CTNNA2: variants seen among roughly 807,000 people sequenced by gnomAD.
CTNNA2 encodes catenin alpha 2.
A neutral mutation model predicts 101.0 loss-of-function variants in CTNNA2; 42 were observed. The observed-to-expected ratio is 0.42, with a 90% CI of 0.32 to 0.54. The LOEUF is 0.54. Ranked by LOEUF, CTNNA2 falls within the 20% of genes least tolerant of loss-of-function variation. The pLI is 0.14. For missense variants in CTNNA2, 871 were observed against 1,223.1 expected, an observed-to-expected ratio of 0.71 and a Z score of 4.29; for synonymous variants, 450 against 456.4, an observed-to-expected ratio of 0.99 and a Z score of 0.18.
At chr2:80,008,784 A>G (rs1330879555) in intron 7 of CTNNA2, among the ~76,000 whole-genome samples, 1 of 152,208 alleles carries the variant, frequency 6.6e-6, no homozygotes, top group Non-Finnish European at 1.5e-5. Context: ...TGGGTACCAG[A>G]TGAGATAACT....
At chr2:80,038,359 G>C (rs956938467) in intron 7 of CTNNA2, among the ~76,000 whole-genome samples, 4 of 152,120 alleles carry the variant, frequency 2.6e-5, no homozygotes, top group Non-Finnish European at 4.4e-5. Flanking sequence ...GCTTCCTGGG[G>C]CTCTGAGGAT....
chr2:80,605,326 T>C (rs1304515551), intron 16 of CTNNA2: 1 of 151,982 alleles, frequency 6.6e-6, no homozygotes, highest in African/African-American at 2.4e-5. Flanking sequence ...AATAGTGATT[T>C]ACAGTTTGAA....
At chr2:80,070,967 G>T (rs1419406136) in intron 7 of CTNNA2, among the ~76,000 whole-genome samples, 6 of 152,082 alleles carry the variant, frequency 3.9e-5, no homozygotes, top group Non-Finnish European at 8.8e-5. Flanking sequence ...TATATTTAGG[G>T]CCCTACCAAA....
intron 4 of CTNNA2, among the ~76,000 whole-genome samples, chr2:79,408,138 C>T (rs958771934): frequency 2.0e-5 from 3 of 151,874 alleles, no homozygotes; most frequent in South Asian, 2.1e-4. Context: ...TCTGAGAATC[C>T]GTCCCATCTT....
chr2:80,042,239 A>C (rs1696112339), intron 7 of CTNNA2, among the ~76,000 whole-genome samples: 1 of 152,212 alleles, frequency 6.6e-6, no homozygotes, highest in African/African-American at 2.4e-5. Flanking sequence ...TGCTGGGATT[A>C]CAGGCGTGAG....
chr2:80,249,172 A>G (rs1358493320), intron 7 of CTNNA2, among the ~76,000 whole-genome samples: 1 of 152,168 alleles, frequency 6.6e-6, no homozygotes, highest in African/African-American at 2.4e-5. Context: ...CCAAAACACA[A>G]AGAAAGGGCC....
At chr2:79,338,038 G>T (rs1363714516) in intron 3 of CTNNA2, among the ~76,000 whole-genome samples, 1 of 151,904 alleles carries the variant, frequency 6.6e-6, no homozygotes, top group Non-Finnish European at 1.5e-5. Context: ...CTGAGGTCAG[G>T]AGTTCGAGAC....
chr2:79,845,003 T>C (rs67034850), intron 3 of CTNNA2, among the ~76,000 whole-genome samples: 12,444 of 42,750 alleles, frequency 0.29, 691 homozygotes, highest in Non-Finnish European at 0.38. Flanking sequence ...CACACACACA[T>C]ATATTTGTGT....
chr2:79,292,623 T>C (rs1044320033), intron 2 of CTNNA2, among the ~76,000 whole-genome samples: 1 of 152,118 alleles, frequency 6.6e-6, no homozygotes, highest in African/African-American at 2.4e-5. Flanking sequence ...GGGAAGGTCA[T>C]TGAGGCCCAG....
At chr2:80,282,443 T>C (rs1007681439) in intron 7 of CTNNA2, among the ~76,000 whole-genome samples, 1 of 152,230 alleles carries the variant, frequency 6.6e-6, no homozygotes, top group Non-Finnish European at 1.5e-5. Context: ...GGTAACATAG[T>C]ACAACTCACA....
chr2:80,245,896 G>C (rs569192897), intron 7 of CTNNA2, among the ~76,000 whole-genome samples: 7 of 126,548 alleles, frequency 5.5e-5, no homozygotes, highest in African/African-American at 2.1e-4. Flanking sequence ...CCGGATTCAC[G>C]CCATTCTCCT....
At chr2:80,023,670 A>C (rs949295009) in intron 7 of CTNNA2, among the ~76,000 whole-genome samples, 1 of 152,218 alleles carries the variant, frequency 6.6e-6, no homozygotes, top group Non-Finnish European at 1.5e-5. Flanking sequence ...GCAAATTACT[A>C]TACTAGGAAA....
chr2:80,284,953 T>G (rs1674638683), intron 7 of CTNNA2, among the ~76,000 whole-genome samples: 1 of 152,200 alleles, frequency 6.6e-6, no homozygotes, highest in East Asian at 1.9e-4. Context: ...CATTTTCTGC[T>G]CTGCTATCTC....
chr2:79,733,231 C>T (rs942206111), intron 2 of CTNNA2, among the ~76,000 whole-genome samples: 1 of 152,096 alleles, frequency 6.6e-6, no homozygotes, highest in Non-Finnish European at 1.5e-5. Context: ...CTTATACCAT[C>T]ATGAGCTAAT....
chr2:80,228,649 T>C (rs142950269), intron 7 of CTNNA2, among the ~76,000 whole-genome samples: 395 of 152,282 alleles, frequency 2.6e-3, no homozygotes, highest in African/African-American at 8.6e-3. Flanking sequence ...CACTCACCTA[T>C]TGGGGAGGAC....
chr2:80,197,993 T>G lies in CTNNA2; in HGVS notation c.1057-195218T>G, dbSNP rs534218281. 1.0e-3 allele frequency among the ~76,000 whole-genome samples: 158 copies of G among 152,274 alleles called. 1 individual carries two copies. The highest frequency in any genetic ancestry group is 3.7e-3 in the African/African-American group (153 of 41,542). On this transcript the variant is annotated intron_variant, in intron 7 of 18. Transcript: ENST00000402739. ...CCCATGTATCCTACCCACTGAACAT[T>G]TATGACTGTGGCAATAGTCACTCTG...
At chr2:79,891,983 G>A (rs1290349471) in intron 6 of CTNNA2, among the ~76,000 whole-genome samples, 3 of 151,966 alleles carry the variant, frequency 2.0e-5, no homozygotes, top group African/African-American at 4.8e-5. Flanking sequence ...TTACAGATAT[G>A]TTGCAAATAT....
chr2:80,583,502 A>T (rs1435106390), intron 14 of CTNNA2, among the ~76,000 whole-genome samples: 2 of 152,350 alleles, frequency 1.3e-5, no homozygotes, highest in South Asian at 2.1e-4. Context: ...CAGCATTGTT[A>T]TGTCACTGAC....
chr2:79,654,256 G>A (rs1026689047), intron 2 of CTNNA2, among the ~76,000 whole-genome samples: 1 of 152,262 alleles, frequency 6.6e-6, no homozygotes, highest in South Asian at 2.1e-4. Flanking sequence ...CCACTTCCAA[G>A]TACCAAAATC....
Sources: allele counts gnomAD v4.1 joint callset (sites outside exome capture counted in the v4.1 genomes callset), GRCh38; gene constraint gnomAD v4.1.1; transcripts MANE v1.5; gene names NCBI Gene and HGNC (gene_info 2026-07-23, HGNC 2026-07-21).